NUFIP1: variants seen among roughly 807,000 people sequenced by gnomAD.
NUFIP1 encodes the protein nuclear FMR1 interacting protein 1, also known as FMR1-interacting protein NUFIP1.
NUFIP1 carries 38 observed loss-of-function variants against 56.2 expected under a neutral mutation model. That is an observed-to-expected ratio of 0.68 (90% CI 0.52 to 0.89). The LOEUF (loss-of-function observed/expected upper bound fraction) is 0.89. NUFIP1 is among the 40% of genes least tolerant of loss of function. The probability of loss-of-function intolerance (pLI) is 0.00; values close to 1 mark genes in which losing one functional copy is unlikely to be tolerated. For synonymous variants in NUFIP1, 215 were observed against 212.4 expected, an observed-to-expected ratio of 1.01 and a Z score of -0.10; for missense variants, 567 against 605.8, an observed-to-expected ratio of 0.94 and a Z score of 0.67.
At chr13:44,961,538 A>G (rs1047743709) in intron 6 of NUFIP1, among the ~76,000 whole-genome samples, 4 of 152,228 alleles carry the variant, frequency 2.6e-5, no homozygotes, top group African/African-American at 9.6e-5. Flanking sequence ...CAATCCAGAG[A>G]TTTTTAATCC....
chr13:44,967,326 A>G lies in NUFIP1; in HGVS notation c.735-1390T>C, dbSNP rs142227786. ...AGTTCGAGACCAGCCTGGCCAACAC[A>G]GTGAAACCCCATCCTATTAAAAATA... On this transcript the variant is annotated intron_variant, in intron 5 of 9. Coordinates refer to ENST00000379161, the MANE Select transcript of NUFIP1 (RefSeq NM_012345.3). Among the ~76,000 whole-genome samples the G allele has an allele frequency of 9.7e-3, 1,474 of 152,026 alleles. 23 individuals are homozygous for G. The highest frequency in any genetic ancestry group is 0.033 in the African/African-American group (1,379 of 41,478).
Position 44,979,909 on chromosome 13 carries a change from A to G in NUFIP1, c.638T>C (p.Val213Ala). ...ACTTACATTTCTCCAATGGAACTGGACAATCTTCTCGTGTGCAGTAAAAGA... is the reference window on the plus strand; with the variant it reads ...ACTTACATTTCTCCAATGGAACTGGGCAATCTTCTCGTGTGCAGTAAAAGA... ...DCSFTAHEKI[V>A]QFHWRNMHAP... The change falls in exon 4 of 10, where the codon GTC (valine) becomes GCC (alanine). Residue 213 changes from valine (V) to alanine (A), a missense_variant. Physicochemically the swap from Val to Ala is moderately conservative, Grantham distance 64. Coordinates refer to ENST00000379161, the MANE Select transcript of NUFIP1 (RefSeq NM_012345.3). The G allele has an allele frequency of 6.2e-7, 1 of 1,603,242 alleles. No individual in the cohort carries two copies. The highest frequency in any genetic ancestry group is 8.5e-7 in the Non-Finnish European group (1 of 1,176,904).
At chr13:44,965,672 C>T (rs375993821) in intron 6 of NUFIP1, among the ~76,000 whole-genome samples, 172 bp downstream of exon 6, 1 of 151,920 alleles carries the variant, frequency 6.6e-6, no homozygotes, top group African/African-American at 2.4e-5. Flanking sequence ...CCAGCCTGGG[C>T]AACAGAGCGA....
intron 7 of NUFIP1, among the ~76,000 whole-genome samples, chr13:44,957,044 T>C (rs1871270027): frequency 6.6e-6 from 1 of 152,122 alleles, no homozygotes; most frequent in Non-Finnish European, 1.5e-5. Context: ...AATTAATAAA[T>C]TTTTAAATAT....
Position 44,959,456 on chromosome 13 carries a change from A to G in NUFIP1, c.946T>C (p.Leu316=), listed in dbSNP as rs1402679523. Residue 316 remains leucine, a synonymous_variant, in exon 7 of 10, where the codon TTG becomes CTG. Transcript: ENST00000379161. The stretch of plus-strand genomic sequence containing the variant: ...GGACCTTCTAGCTTCAAATCACACA[A>G]GTGACTGCCTGATCCAGTGACTGCT... The part of the protein sequence containing the change: ...QRAVTGSGSH[L]CDLKLEGPPE... The G allele has an allele frequency of 6.2e-7, 1 of 1,614,130 alleles. No homozygotes were observed.
At chr13:44,986,496 C>A (rs532369184) in intron 1 of NUFIP1, among the ~76,000 whole-genome samples, 18 of 152,074 alleles carry the variant, frequency 1.2e-4, no homozygotes, top group African/African-American at 3.6e-4. Flanking sequence ...TCGAGACCAT[C>A]CTGGCTAACA....
chr13:44,946,249 A>C (rs1870898680), intron 8 of NUFIP1, among the ~76,000 whole-genome samples: 1 of 152,154 alleles, frequency 6.6e-6, no homozygotes, highest in Non-Finnish European at 1.5e-5. Context: ...GAGATTTACA[A>C]CATTTCCCAG....
chr13:44,955,349 G>A (rs1366636190), intron 7 of NUFIP1, among the ~76,000 whole-genome samples: 1 of 152,172 alleles, frequency 6.6e-6, no homozygotes, highest in Non-Finnish European at 1.5e-5. Flanking sequence ...CAATTACTGA[G>A]AGTACACATG....
In NUFIP1 at chr13:44,989,463, C is replaced by G. The variant is rs1200420589; in HGVS notation, c.-27G>C. ...CCACTGGCGGGTCCGGAGTCTAGCACGCGACTGTGGAGCAAGCATTAGGCG... is the reference window on the plus strand; with the variant it reads ...CCACTGGCGGGTCCGGAGTCTAGCAGGCGACTGTGGAGCAAGCATTAGGCG... On this transcript the variant is annotated 5_prime_UTR_variant, in exon 1 of 10. Transcript: ENST00000379161. 1.2e-6 allele frequency: 2 copies of G among 1,609,624 alleles called. No homozygotes were observed. The highest frequency in any genetic ancestry group is 1.1e-5 in the South Asian group (1 of 90,528).
At chr13:44,949,265 G>A (rs918414832) in intron 8 of NUFIP1, among the ~76,000 whole-genome samples, 1 of 146,174 alleles carries the variant, frequency 6.8e-6, no homozygotes, top group Non-Finnish European at 1.5e-5. Flanking sequence ...GCAGTGGCGG[G>A]ATCTCGGCTC....
rs1489159154 is a variant in NUFIP1, at chr13:44,939,600, T to C, written c.*1606A>G. 1 of 152,158 alleles carries C rather than the reference T, an allele frequency of 6.6e-6. No individual in the cohort carries two copies. The highest frequency in any genetic ancestry group is 2.4e-5 in the African/African-American group (1 of 41,442). The allele number at this position is 152,158 out of a possible 1,614,324, so 9.4% of individuals were successfully genotyped here. A position where few individuals can be genotyped will look rare whatever the true frequency, so the allele number is the denominator to read the frequency against. On this transcript the variant is annotated 3_prime_UTR_variant, in exon 10 of 10. Coordinates refer to ENST00000379161, the MANE Select transcript of NUFIP1 (RefSeq NM_012345.3). Reference sequence around the variant, plus strand: ...CATAAAGTAGAAACCATACAGGCTATATTATATCTCCTTAGAAATTTTAAA... The same window carrying C: ...CATAAAGTAGAAACCATACAGGCTACATTATATCTCCTTAGAAATTTTAAA...
intron 5 of NUFIP1, among the ~76,000 whole-genome samples, chr13:44,967,367 G>C (rs920843747): frequency 6.6e-6 from 1 of 151,978 alleles, no homozygotes; most frequent in Non-Finnish European, 1.5e-5. Context: ...AATTAGCTGG[G>C]CATGGTGGCG....
Position 44,979,213 on chromosome 13 carries a change from T to C in NUFIP1, c.711A>G (p.Ala237=), listed in dbSNP as rs1339570191. The change falls in exon 5 of 10, where the codon GCA becomes GCG. Residue 237 remains alanine (A), a synonymous_variant. Transcript: ENST00000379161. ...KIKLDTPEEI[A]RWREERRKNY... is the part of the protein sequence containing the mutation. ...ACTTCCTTCTTTCTTCCCTCCACCG[T>C]GCAATTTCCTCTGGAGTGTCTAACT... is the stretch of plus-strand genomic sequence containing the variant. 6.2e-7 allele frequency: 1 copy of C among 1,613,596 alleles called. No homozygotes were observed. Among genetic ancestry groups the C allele is most frequent in the East Asian group, 2.2e-5 (1 of 44,846 alleles).
chr13:44,943,232 TGGTTG>T (rs1870801869), intron 9 of NUFIP1, among the ~76,000 whole-genome samples: 1 of 152,198 alleles, frequency 6.6e-6, no homozygotes, highest in African/African-American at 2.4e-5. Flanking sequence ...TTATTTTAAG[TGGTTG>T]TAAAAATTAC....
At chr13:44,955,871 C>T (rs562676367) in intron 7 of NUFIP1, among the ~76,000 whole-genome samples, 90 of 150,790 alleles carry the variant, frequency 6.0e-4, no homozygotes, top group South Asian at 2.7e-3. Context: ...TGGCCGGGCG[C>T]GGTGGCTCAC....
Position 44,980,760 on chromosome 13 carries a change from G to C in NUFIP1, c.556C>G (p.Gln186Glu), listed in dbSNP as rs140746438. The change falls in exon 3 of 10, where the codon CAA becomes GAA. Residue 186 changes from glutamine (Q) to glutamate (E), a missense_variant. Physicochemically the swap from Gln to Glu is conservative, Grantham distance 29. Coordinates refer to ENST00000379161, the MANE Select transcript of NUFIP1 (RefSeq NM_012345.3). ...CDTCDRGFKNQEKYDKHMSEH... is the reference protein window; with the variant it reads ...CDTCDRGFKNEEKYDKHMSEH... The stretch of plus-strand genomic sequence containing the variant: ...GACATGTGTTTGTCATACTTTTCTT[G>C]ATTTTTAAAACCACGATCACAGGTA... 912 of 1,603,244 alleles carry C rather than the reference G, an allele frequency of 5.7e-4. 1 individual carries two copies. Among genetic ancestry groups the C allele is most frequent in the Non-Finnish European group, 7.2e-4 (846 of 1,177,914 alleles).
At chr13:44,965,235 C>T (rs1871556406) in intron 6 of NUFIP1, among the ~76,000 whole-genome samples, 1 of 152,232 alleles carries the variant, frequency 6.6e-6, no homozygotes, top group African/African-American at 2.4e-5. Context: ...TGACTTGCCC[C>T]TCTTTGCCTT....
intron 9 of NUFIP1, 127 bp downstream of exon 9, chr13:44,943,315 C>T: frequency 1.4e-6 from 1 of 731,902 alleles, no homozygotes; most frequent in Non-Finnish European, 2.3e-6. Flanking sequence ...GATACAAAGT[C>T]TCCAAGGTCA....
At position 44,989,062 on chromosome 13, in the gene NUFIP1, A is replaced by T. The variant is rs370990092; in HGVS notation, c.375T>A (p.Asp125Glu). The T allele has an allele frequency of 5.8e-5, 94 of 1,614,064 alleles. No homozygotes were observed. The highest frequency in any genetic ancestry group is 7.6e-5 in the Non-Finnish European group (90 of 1,180,032). ...AGGACTTCTGATGCCGAGGAAACCT[A>T]TCAGAAGACTGTCTCCAATACCACG... is the stretch of plus-strand genomic sequence containing the variant. ...STSWYWRQSSDRFPRHQKSFN... is the reference protein window; with the variant it reads ...STSWYWRQSSERFPRHQKSFN... The change falls in exon 1 of 10, where the codon GAT becomes GAA. Residue 125 changes from aspartate (D) to glutamate (E), a missense_variant. Physicochemically the swap from Asp to Glu is conservative, Grantham distance 45. Coordinates refer to ENST00000379161, the MANE Select transcript of NUFIP1 (RefSeq NM_012345.3).
Sources: allele counts gnomAD v4.1 joint callset (sites outside exome capture counted in the v4.1 genomes callset), GRCh38; gene constraint gnomAD v4.1.1; transcripts MANE v1.5; gene names NCBI Gene and HGNC (gene_info 2026-07-23, HGNC 2026-07-21).